Variants in NBEA observed in about 807,000 individuals in gnomAD.
NBEA encodes neurobeachin.
Under a neutral mutation model 343.4 loss-of-function variants are expected in NBEA, and 44 were observed. The observed-to-expected ratio is 0.13, with a 90% CI of 0.10 to 0.16. NBEA has a LOEUF of 0.16. NBEA is among the 10% of genes least tolerant of loss of function. NBEA has a pLI of 1.00. For missense variants in NBEA, 2,555 were observed against 3,631.3 expected (o/e 0.70, Z 7.62); for synonymous variants, 1,175 against 1,238.7 (o/e 0.95, Z 1.08).
chr13:35,012,029 C>T (rs898220191), intron 1 of NBEA, among the ~76,000 whole-genome samples: 10 of 152,066 alleles, frequency 6.6e-5, no homozygotes, highest in African/African-American at 1.9e-4. Context: ...AGTTTTCCTC[C>T]GTATTTAGTT....
intron 18 of NBEA, among the ~76,000 whole-genome samples, chr13:35,153,806 G>T (rs535575252): frequency 2.0e-5 from 3 of 152,046 alleles, no homozygotes; most frequent in African/African-American, 4.8e-5. Flanking sequence ...CTTTAAGCTC[G>T]TCTGAAGTTA....
At chr13:35,222,593 G>T (rs958214186) in intron 33 of NBEA, among the ~76,000 whole-genome samples, 1 of 151,322 alleles carries the variant, frequency 6.6e-6, no homozygotes, top group Non-Finnish European at 1.5e-5. Context: ...CTCCAATATT[G>T]TCTTATTGTA....
intron 17 of NBEA, among the ~76,000 whole-genome samples, chr13:35,136,032 A>G (rs2067708831): frequency 1.3e-5 from 2 of 152,218 alleles, no homozygotes; most frequent in African/African-American, 4.8e-5. Flanking sequence ...CCTTGTCCCA[A>G]CCTAATGAAA....
chr13:35,075,420 TA>T (rs1467200292), intron 10 of NBEA, among the ~76,000 whole-genome samples: 1 of 152,108 alleles, frequency 6.6e-6, no homozygotes, highest in Admixed American at 6.6e-5. Context: ...ATCATTTTTA[TA>T]AAGTAGAAAT....
chr13:35,645,970 T>C (rs2084209671), intron 50 of NBEA, 39 bp downstream of exon 50: 3 of 1,311,002 alleles, frequency 2.3e-6, no homozygotes, highest in Non-Finnish European at 3.2e-6. Context: ...TGTTCTTTGG[T>C]CTTTAGCTGC....
intron 41 of NBEA, among the ~76,000 whole-genome samples, chr13:35,509,893 T>A (rs1018501812): frequency 6.6e-6 from 1 of 152,176 alleles, no homozygotes; most frequent in Non-Finnish European, 1.5e-5. Flanking sequence ...TGTCAAGGGC[T>A]TAAGGATATT....
At chr13:35,006,616 T>C (rs1484160883) in intron 1 of NBEA, among the ~76,000 whole-genome samples, 2 of 152,212 alleles carry the variant, frequency 1.3e-5, no homozygotes, top group African/African-American at 4.8e-5. Flanking sequence ...GAAACATAGA[T>C]TTTAGTATTT....
At chr13:35,029,939 C>T (rs1473148946) in intron 1 of NBEA, among the ~76,000 whole-genome samples, 1 of 151,678 alleles carries the variant, frequency 6.6e-6, no homozygotes, top group African/African-American at 2.4e-5. Context: ...GACCACTTCT[C>T]TAACAGCGGT....
chr13:35,316,744 A>G (rs138096478), intron 36 of NBEA, among the ~76,000 whole-genome samples: 8 of 152,228 alleles, frequency 5.3e-5, no homozygotes, highest in East Asian at 1.9e-4. Flanking sequence ...CAGCGTTCCT[A>G]TTTCTCCATA....
chr13:35,281,740 A>C (rs2035066954), intron 34 of NBEA, among the ~76,000 whole-genome samples: 1 of 152,134 alleles, frequency 6.6e-6, no homozygotes. Flanking sequence ...GGTGTATACA[A>C]TACAAAAGCT....
chr13:35,434,640 G>A (rs1395968823), intron 39 of NBEA, among the ~76,000 whole-genome samples: 3 of 152,174 alleles, frequency 2.0e-5, no homozygotes, highest in Non-Finnish European at 2.9e-5. Flanking sequence ...CAGTTCACAA[G>A]TCTATGGACT....
intron 39 of NBEA, among the ~76,000 whole-genome samples, chr13:35,434,986 A>C (rs1302077467): frequency 6.6e-6 from 1 of 152,184 alleles, no homozygotes; most frequent in Non-Finnish European, 1.5e-5. Context: ...AGAAGACCAA[A>C]AAAGATAAGA....
chr13:35,372,670 G>A (rs551182322), intron 38 of NBEA, among the ~76,000 whole-genome samples: 2 of 152,244 alleles, frequency 1.3e-5, no homozygotes, highest in East Asian at 1.9e-4. Flanking sequence ...CTTCAGCCCA[G>A]GTAGCAGCTT....
At chr13:34,992,800 G>T (rs1306003321) in intron 1 of NBEA, among the ~76,000 whole-genome samples, 1 of 150,660 alleles carries the variant, frequency 6.6e-6, no homozygotes, top group Non-Finnish European at 1.5e-5. Flanking sequence ...AGCCTCCTGA[G>T]TAGCTGGGAC....
chr13:35,572,179 T>C (rs1046852636), intron 45 of NBEA, among the ~76,000 whole-genome samples: 8 of 152,198 alleles, frequency 5.3e-5, no homozygotes, highest in African/African-American at 1.9e-4. Flanking sequence ...TATGGAGATG[T>C]AACCTTATGG....
intron 11 of NBEA, among the ~76,000 whole-genome samples, chr13:35,100,242 TTG>T (rs1009576603): frequency 2.0e-5 from 3 of 152,088 alleles, no homozygotes; most frequent in Non-Finnish European, 4.4e-5. Context: ...TTTATACATA[TTG>T]TGTATATAAC....
At chr13:35,667,605 A>C (rs762701603) in intron 57 of NBEA, 35 bp downstream of exon 57, 1 of 1,545,912 alleles carries the variant, frequency 6.5e-7, no homozygotes, top group Non-Finnish European at 8.9e-7. Context: ...GTAGGACTGA[A>C]GCCAAGAGAT....
chr13:35,036,174 G>A (rs1395393078), intron 1 of NBEA, among the ~76,000 whole-genome samples: 9 of 151,828 alleles, frequency 5.9e-5, no homozygotes, highest in African/African-American at 2.2e-4. Context: ...TATAATTTTT[G>A]GTTTGAGGTT....
intron 35 of NBEA, among the ~76,000 whole-genome samples, chr13:35,308,455 T>C (rs5019112): frequency 0.027 from 3,007 of 110,898 alleles, 73 homozygotes; most frequent in Non-Finnish European, 0.039. Flanking sequence ...TATATATATA[T>C]ATATATATAT....
Sources: gnomAD v4.1 joint callset for allele counts (sites outside exome capture counted in the v4.1 genomes callset) on GRCh38, gnomAD v4.1.1 for gene constraint, MANE v1.5 for transcripts, NCBI Gene and HGNC (gene_info 2026-07-23, HGNC 2026-07-21) for gene names.